The following RABGAP1L variants were observed in gnomAD, a reference collection of about 807,000 sequenced individuals.
The protein encoded by RABGAP1L is rab GTPase-activating protein 1-like.
In RABGAP1L, 63 loss-of-function variants were observed where a neutral mutation model predicts 137.7. The observed-to-expected ratio is 0.46, with a 90% CI of 0.37 to 0.56. The LOEUF is 0.56. Ranked by LOEUF, RABGAP1L falls within the 20% of genes least tolerant of loss-of-function variation. The probability of loss-of-function intolerance (pLI) is 0.00; values close to 1 mark genes in which losing one functional copy is unlikely to be tolerated. For synonymous variants in RABGAP1L, 431 were observed against 433.7 expected (o/e 0.99, Z 0.08); for missense variants, 1,095 against 1,244.0 (o/e 0.88, Z 1.80).
At chr1:174,596,107 G>A (rs1215367815) in intron 13 of RABGAP1L, among the ~76,000 whole-genome samples, 1 of 131,422 alleles carries the variant, frequency 7.6e-6, no homozygotes, top group Non-Finnish European at 1.6e-5. Flanking sequence ...GGGTGGGAGT[G>A]ACCCGATTTT....
intron 17 of RABGAP1L, among the ~76,000 whole-genome samples, chr1:174,734,233 G>A (rs1316816327): frequency 1.3e-5 from 2 of 152,102 alleles, no homozygotes; most frequent in Non-Finnish European, 2.9e-5. Context: ...CTAAAACGTT[G>A]ATTTGGGAGT....
At chr1:174,729,866 T>A (rs968941802) in intron 17 of RABGAP1L, among the ~76,000 whole-genome samples, 1 of 152,232 alleles carries the variant, frequency 6.6e-6, no homozygotes, top group Non-Finnish European at 1.5e-5. Context: ...TATACACTGT[T>A]GGTGGGAATG....
rs552508497 is a variant in RABGAP1L, at chr1:174,590,456, T to G, written c.1711-46919T>G. Reference sequence around the variant, plus strand: ...TGCTGGTGCGCTGCACCCACTAACGTGTCATCTAGCATTAGGTATATCTCC... The same window carrying G: ...TGCTGGTGCGCTGCACCCACTAACGGGTCATCTAGCATTAGGTATATCTCC... On this transcript the variant is annotated intron_variant, in intron 13 of 25. Transcript: ENST00000681986. Among the ~76,000 whole-genome samples, 1,100 of 112,024 alleles carry G rather than the reference T, an allele frequency of 9.8e-3. 22 individuals carry two copies. The highest frequency in any genetic ancestry group is 0.04 in the African/African-American group (1,048 of 26,054). 73.5% of individuals were successfully genotyped at this position (112,024 alleles called of 152,430 possible).
chr1:174,781,083 C>A (rs1324142651), intron 18 of RABGAP1L, among the ~76,000 whole-genome samples: 2 of 151,966 alleles, frequency 1.3e-5, no homozygotes, highest in African/African-American at 4.8e-5. Flanking sequence ...GGGTATATAC[C>A]CAGTAATGGG....
At chr1:174,685,589 A>C (rs1678402629) in intron 15 of RABGAP1L, among the ~76,000 whole-genome samples, 1 of 101,122 alleles carries the variant, frequency 9.9e-6, no homozygotes, top group Non-Finnish European at 1.9e-5. Flanking sequence ...ATTTAGATGA[A>C]GTCTACCTCT....
At chr1:174,957,397 C>A in intron 19 of RABGAP1L, 60 bp from the exon 20 acceptor site, 1 of 1,374,480 alleles carries the variant, frequency 7.3e-7, no homozygotes, top group Non-Finnish European at 1.0e-6. Context: ...GCAAACACAC[C>A]TGAATTTTTT....
intron 18 of RABGAP1L, among the ~76,000 whole-genome samples, chr1:174,766,204 T>C (rs1291757650): frequency 2.0e-5 from 3 of 152,192 alleles, no homozygotes; most frequent in Non-Finnish European, 4.4e-5. Context: ...CTTAGACTTC[T>C]AGCCTCCAGA....
intron 13 of RABGAP1L, among the ~76,000 whole-genome samples, chr1:174,565,884 A>AT (rs776033808): frequency 0.24 from 31,302 of 132,644 alleles, 4,072 homozygotes; most frequent in Non-Finnish European, 0.27. Flanking sequence ...AATCCTTTAC[A>AT]TTTTTTTTTT....
intron 17 of RABGAP1L, among the ~76,000 whole-genome samples, chr1:174,740,273 C>CTGCT (rs1451929348): frequency 6.6e-6 from 1 of 151,500 alleles, no homozygotes; most frequent in Non-Finnish European, 1.5e-5. Flanking sequence ...ACTTCTGTCT[C>CTGCT]TGCTTTCCCT....
intron 11 of RABGAP1L, among the ~76,000 whole-genome samples, chr1:174,352,622 T>C (rs987229349): frequency 1.7e-4 from 26 of 152,318 alleles, no homozygotes; most frequent in East Asian, 1.9e-4. Context: ...TGGATGATCT[T>C]AATTCTTGTG....
chr1:174,583,831 T>C (rs1008793228), intron 13 of RABGAP1L, among the ~76,000 whole-genome samples: 1 of 152,180 alleles, frequency 6.6e-6, no homozygotes, highest in African/African-American at 2.4e-5. Context: ...ATGTGTCAGG[T>C]GCTATGATTG....
At chr1:174,722,082 C>T (rs2148593369) in intron 17 of RABGAP1L, among the ~76,000 whole-genome samples, 1 of 152,244 alleles carries the variant, frequency 6.6e-6, no homozygotes, top group South Asian at 2.1e-4. Context: ...CAGGCATGCG[C>T]CACCATGCCC....
At chr1:174,220,451 T>A (rs556144788) in intron 2 of RABGAP1L, among the ~76,000 whole-genome samples, 1 of 152,184 alleles carries the variant, frequency 6.6e-6, no homozygotes, top group South Asian at 2.1e-4. Context: ...GCAGATTGCT[T>A]GAGGTAAGGA....
At chr1:174,827,287 A>G (rs1001429257) in intron 19 of RABGAP1L, among the ~76,000 whole-genome samples, 5 of 152,160 alleles carry the variant, frequency 3.3e-5, no homozygotes, top group South Asian at 4.1e-4. Flanking sequence ...AGCAAGGACT[A>G]TAGGCATGTG....
intron 13 of RABGAP1L, among the ~76,000 whole-genome samples, chr1:174,619,611 G>T (rs1041392207): frequency 2.6e-5 from 4 of 152,150 alleles, no homozygotes; most frequent in Non-Finnish European, 4.4e-5. Context: ...TCACCACCAG[G>T]CCTGCCCTAA....
chr1:174,474,161 T>G (rs6656925), intron 13 of RABGAP1L, among the ~76,000 whole-genome samples: 53,621 of 152,016 alleles, frequency 0.35, 12,104 homozygotes, highest in African/African-American at 0.64. Flanking sequence ...TGCATTAAAA[T>G]GAATAAATTT....
chr1:174,331,229 T>C (rs188093836), intron 11 of RABGAP1L, among the ~76,000 whole-genome samples: 9 of 152,268 alleles, frequency 5.9e-5, no homozygotes, highest in Non-Finnish European at 1.0e-4. Context: ...AACTATGAAA[T>C]TGCTAGAAGA....
chr1:174,516,120 TACACACACACACACACACACACACAC>T (rs61414923), intron 13 of RABGAP1L, among the ~76,000 whole-genome samples: 1 of 133,232 alleles, frequency 7.5e-6, no homozygotes, highest in Non-Finnish European at 1.6e-5. Context: ...ACTGAAGCTC[TACACACACACACACACACACACACAC>T]ACACACACAC....
intron 21 of RABGAP1L, among the ~76,000 whole-genome samples, chr1:174,971,759 G>A (rs1370322556): frequency 6.6e-6 from 1 of 152,208 alleles, no homozygotes; most frequent in Non-Finnish European, 1.5e-5. Flanking sequence ...GAAAAGTACT[G>A]GCTTTGCAGG....
Sources: gnomAD v4.1 joint callset for allele counts (sites outside exome capture counted in the v4.1 genomes callset) on GRCh38, gnomAD v4.1.1 for gene constraint, MANE v1.5 for transcripts, NCBI Gene and HGNC (gene_info 2026-07-23, HGNC 2026-07-21) for gene names.